YWHAE: variants seen among roughly 807,000 people sequenced by gnomAD.
YWHAE encodes tyrosine 3-monooxygenase/tryptophan 5-monooxygenase activation protein epsilon, also known as 14-3-3 protein epsilon.
YWHAE carries 4 observed loss-of-function variants against 30.1 expected under a neutral mutation model. That is an observed-to-expected ratio of 0.13 (90% CI 0.07 to 0.30). The LOEUF (loss-of-function observed/expected upper bound fraction) is 0.30. Ranked by LOEUF, YWHAE falls within the 10% of genes least tolerant of loss-of-function variation. The pLI is 1.00. For missense variants in YWHAE, 121 were observed against 315.9 expected (o/e 0.38, Z 4.68); for synonymous variants, 118 against 111.8 (o/e 1.06, Z -0.35).
At chr17:1,399,074 C>A (rs562083296) in intron 1 of YWHAE, 4 of 152,200 alleles carry the variant, frequency 2.6e-5, no homozygotes, top group South Asian at 4.1e-4. Context: ...TTTATTTCAA[C>A]AGGTCTTCCC....
Position 1,354,256 on chromosome 17 carries a change from A to G in YWHAE, c.670T>C (p.Leu224=), listed in dbSNP as rs2072689776. Residue 224 remains leucine (L), a synonymous_variant, in exon 5 of 6, where the codon TTA becomes CTA. Transcript: ENST00000264335. The part of the protein sequence containing the change: ...YKDSTLIMQL[L]RDNLTLWTSD... ...GTCCATAGTGTCAGATTATCACGTA[A>G]CAACTGCATGATAAGTGTAGAGTCC... The G allele has an allele frequency of 1.2e-6, 2 of 1,614,032 alleles. No homozygotes were observed. The highest frequency in any genetic ancestry group is 2.7e-5 in the African/African-American group (2 of 74,948).
At chr17:1,364,295 C>T (rs1175918897) in intron 2 of YWHAE, among the ~76,000 whole-genome samples, 2 of 151,462 alleles carry the variant, frequency 1.3e-5, no homozygotes, top group East Asian at 1.9e-4. Flanking sequence ...AGTGCGATCT[C>T]GGCTCACCGC....
intron 5 of YWHAE, among the ~76,000 whole-genome samples, chr17:1,353,482 G>A (rs1394403924): frequency 3.4e-5 from 5 of 148,656 alleles, no homozygotes; most frequent in African/African-American, 1.3e-4. Flanking sequence ...AATAAAAACA[G>A]CAGGGCGCAG....
chr17:1,378,837 C>A (rs779070875), intron 1 of YWHAE, among the ~76,000 whole-genome samples: 37 of 152,004 alleles, frequency 2.4e-4, no homozygotes, highest in Non-Finnish European at 5.0e-4. Context: ...ATCCCAGCTA[C>A]TCGGGAGGCT....
At chr17:1,354,135 C>A (rs1412325832) in intron 5 of YWHAE, 76 bp downstream of exon 5, 2 of 1,535,224 alleles carry the variant, frequency 1.3e-6, no homozygotes, top group South Asian at 2.5e-5. Context: ...TAACGACAAG[C>A]CAAGGAATGT....
intron 4 of YWHAE, among the ~76,000 whole-genome samples, chr17:1,356,274 C>A (rs1335026376): frequency 6.6e-6 from 1 of 151,930 alleles, no homozygotes; most frequent in Non-Finnish European, 1.5e-5. Context: ...GAGGCTGAGG[C>A]AGAAGAATCC....
At chr17:1,373,530 T>C (rs2073075087) in intron 1 of YWHAE, among the ~76,000 whole-genome samples, 1 of 151,772 alleles carries the variant, frequency 6.6e-6, no homozygotes, top group Admixed American at 6.6e-5. Flanking sequence ...TAGCCAGGCA[T>C]GGTGGCGGGC....
intron 1 of YWHAE, among the ~76,000 whole-genome samples, chr17:1,394,436 CAAAAAAAA>C (rs544115909): frequency 0.021 from 1,219 of 58,606 alleles, 25 homozygotes; most frequent in African/African-American, 0.1. Context: ...CTCAAATCCA[CAAAAAAAA>C]AAAAAAAAAA....
chr17:1,369,054 TCTA>T (rs768593568), intron 1 of YWHAE, among the ~76,000 whole-genome samples: 3 of 152,238 alleles, frequency 2.0e-5, no homozygotes, highest in Non-Finnish European at 4.4e-5. Flanking sequence ...TCAGTGATAC[TCTA>T]CTGTTCCAGA....
chr17:1,371,216 G>A (rs937292068), intron 1 of YWHAE, among the ~76,000 whole-genome samples: 1 of 152,048 alleles, frequency 6.6e-6, no homozygotes, highest in African/African-American at 2.4e-5. Flanking sequence ...CTGAGTAGCT[G>A]GGACTACAGG....
intron 1 of YWHAE, among the ~76,000 whole-genome samples, chr17:1,368,230 T>C (rs115642553): frequency 1.3e-5 from 2 of 151,824 alleles, no homozygotes; most frequent in Non-Finnish European, 2.9e-5. Flanking sequence ...ACAAAAAAAT[T>C]TGCCAGACGT....
chr17:1,394,915 C>T (rs1349540659), intron 1 of YWHAE, among the ~76,000 whole-genome samples: 1 of 151,616 alleles, frequency 6.6e-6, no homozygotes, highest in African/African-American at 2.4e-5. Flanking sequence ...TGCAGTGAGC[C>T]GAGATCCTAC....
At chr17:1,358,274 C>T (rs986760876) in intron 4 of YWHAE, among the ~76,000 whole-genome samples, 5 of 152,062 alleles carry the variant, frequency 3.3e-5, no homozygotes, top group African/African-American at 9.7e-5. Flanking sequence ...GAGTCTCGCT[C>T]TGTCGCCCAG....
chr17:1,388,719 C>A (rs1567983840), intron 1 of YWHAE, among the ~76,000 whole-genome samples: 1 of 151,714 alleles, frequency 6.6e-6, no homozygotes, highest in Non-Finnish European at 1.5e-5. Flanking sequence ...GCTAAGAAAC[C>A]CCCATCAAAA....
intron 1 of YWHAE, among the ~76,000 whole-genome samples, chr17:1,393,822 C>T (rs945536066): frequency 3.3e-5 from 5 of 151,998 alleles, no homozygotes; most frequent in Admixed American, 6.6e-5. Flanking sequence ...AATCTGTATG[C>T]GAATAAACAT....
At chr17:1,355,029 T>C (rs2072709306) in intron 4 of YWHAE, among the ~76,000 whole-genome samples, 1 of 113,816 alleles carries the variant, frequency 8.8e-6, no homozygotes. Context: ...AGGCTGGACT[T>C]GAACTCCTGC....
intron 1 of YWHAE, among the ~76,000 whole-genome samples, chr17:1,398,490 C>T (rs1440164497): frequency 6.6e-6 from 1 of 151,980 alleles, no homozygotes; most frequent in Admixed American, 6.6e-5. Flanking sequence ...GGGGACTAAC[C>T]CTGAGGTTAT....
chr17:1,352,085 G>C (rs1007599496), intron 5 of YWHAE: 6 of 152,010 alleles, frequency 3.9e-5, no homozygotes, highest in African/African-American at 1.4e-4. Flanking sequence ...AACCGGCATA[G>C]GACAGATTTT....
chr17:1,370,119 CTTTTTTT>C (rs538497835), intron 1 of YWHAE, among the ~76,000 whole-genome samples: 12 of 76,344 alleles, frequency 1.6e-4, no homozygotes, highest in East Asian at 1.5e-3. Context: ...CACAGAAAAA[CTTTTTTT>C]TTTTTTTTTT....
Sources: gnomAD v4.1 joint callset for allele counts (sites outside exome capture counted in the v4.1 genomes callset) on GRCh38, gnomAD v4.1.1 for gene constraint, MANE v1.5 for transcripts, NCBI Gene and HGNC (gene_info 2026-07-23, HGNC 2026-07-21) for gene names.